Variants in CYP4Z1 observed in about 807,000 individuals in gnomAD.
CYP4Z1 encodes the protein cytochrome P450 family 4 subfamily Z member 1.
A neutral mutation model predicts 54.2 loss-of-function variants in CYP4Z1; 41 were observed. The observed-to-expected ratio is 0.76, with a 90% CI of 0.59 to 0.98. The LOEUF (loss-of-function observed/expected upper bound fraction) is 0.98, where lower values mean the gene tolerates loss of function less well. CYP4Z1 is among the 50% of genes least tolerant of loss of function. CYP4Z1 has a pLI of 0.00. For synonymous variants in CYP4Z1, 163 were observed against 206.2 expected (o/e 0.79, Z 1.79); for missense variants, 513 against 599.0 (o/e 0.86, Z 1.50).
the CYP4Z1 span, among the ~76,000 whole-genome samples, chr1:47,059,692 C>G: frequency 6.6e-6 from 1 of 152,162 alleles, no homozygotes. Context: ...CTTTCTCATA[C>G]TGTGTATGAG....
chr1:47,087,624 A>G (rs1644606166), intron 6 of CYP4Z1, among the ~76,000 whole-genome samples: 2 of 152,200 alleles, frequency 1.3e-5, no homozygotes, highest in African/African-American at 2.4e-5. Context: ...TAAATATACA[A>G]TAACGTCATC....
intron 9 of CYP4Z1, among the ~76,000 whole-genome samples, chr1:47,110,027 G>T (rs554214270): frequency 1.3e-5 from 2 of 151,176 alleles, no homozygotes; most frequent in African/African-American, 4.9e-5. Context: ...ATGTAATTTT[G>T]TTAGATAATG....
intron 9 of CYP4Z1, among the ~76,000 whole-genome samples, chr1:47,112,034 C>T (rs2742082): frequency 1.0e-3 from 155 of 151,944 alleles, no homozygotes; most frequent in South Asian, 2.7e-3. Flanking sequence ...TAAACATTGA[C>T]GTCGAAAACA....
chr1:47,078,798 C>T (rs555141340), intron 2 of CYP4Z1, among the ~76,000 whole-genome samples: 1 of 136,194 alleles, frequency 7.3e-6, no homozygotes, highest in Admixed American at 7.6e-5. Flanking sequence ...TCTTCTTGCA[C>T]TTTGTGTAAG....
chr1:47,069,659 C>T (rs938496667), intron 2 of CYP4Z1, among the ~76,000 whole-genome samples: 1 of 151,908 alleles, frequency 6.6e-6, no homozygotes, highest in African/African-American at 2.4e-5. Context: ...TCTACAAATT[C>T]TCTCTTCAGT....
chr1:47,101,242 T>C (rs1644719448), intron 8 of CYP4Z1, among the ~76,000 whole-genome samples: 1 of 152,178 alleles, frequency 6.6e-6, no homozygotes, highest in Non-Finnish European at 1.5e-5. Flanking sequence ...TAACCTCTGT[T>C]TCATTTAGTT....
intron 2 of CYP4Z1, among the ~76,000 whole-genome samples, chr1:47,076,414 AT>A (rs1644521018): frequency 1.3e-5 from 2 of 150,650 alleles, no homozygotes; most frequent in South Asian, 4.2e-4. Context: ...TAATGAAGAC[AT>A]TTAAGCTATA....
At chr1:47,077,680 G>A (rs1403547035) in intron 2 of CYP4Z1, among the ~76,000 whole-genome samples, 2 of 151,556 alleles carry the variant, frequency 1.3e-5, no homozygotes, top group Non-Finnish European at 2.9e-5. Context: ...GGGTGCAGTG[G>A]TGTCATCATA....
intron 11 of CYP4Z1, among the ~76,000 whole-genome samples, chr1:47,117,146 T>C (rs1308579588): frequency 6.6e-6 from 1 of 152,164 alleles, no homozygotes; most frequent in Non-Finnish European, 1.5e-5. Flanking sequence ...AGACACCCGA[T>C]TTACCAAATG....
At chr1:47,064,624 C>G (rs946577411), upstream of CYP4Z1, among the ~76,000 whole-genome samples, 3 of 151,824 alleles carry the variant, frequency 2.0e-5, no homozygotes, top group African/African-American at 7.3e-5. Flanking sequence ...ATCTACATAA[C>G]AAAAACTCAA....
chr1:47,116,119 G>T (rs1393471384), intron 10 of CYP4Z1, among the ~76,000 whole-genome samples: 1 of 151,998 alleles, frequency 6.6e-6, no homozygotes, highest in African/African-American at 2.4e-5. Context: ...CCAGCGCTCA[G>T]ACCAACCCCA....
intron 6 of CYP4Z1, among the ~76,000 whole-genome samples, chr1:47,091,574 G>A (rs1050277036): frequency 1.3e-5 from 2 of 149,568 alleles, no homozygotes; most frequent in East Asian, 2.1e-4. Flanking sequence ...TATTAGCTCC[G>A]TCAATTAAGT....
intron 8 of CYP4Z1, among the ~76,000 whole-genome samples, chr1:47,101,901 T>C (rs1644724818): frequency 6.6e-6 from 1 of 152,162 alleles, no homozygotes; most frequent in South Asian, 2.1e-4. Context: ...AGTGTATCTC[T>C]TTAGATCTAA....
chr1:47,064,716 G>A (rs1170124713), upstream of CYP4Z1, among the ~76,000 whole-genome samples: 1 of 152,114 alleles, frequency 6.6e-6, no homozygotes, highest in Non-Finnish European at 1.5e-5. Flanking sequence ...AATATTGAGT[G>A]TAAATGGCCC....
chr1:47,115,585 G>A lies in CYP4Z1; in HGVS notation c.1258G>A (p.Asp420Asn), dbSNP rs201881781. Residue 420 changes from aspartate to asparagine, a missense_variant, in exon 10 of 12, where the codon GAC becomes AAC. Coordinates refer to ENST00000334194, the MANE Select transcript of CYP4Z1 (RefSeq NM_178134.3). ...ALHHNPYFWE[D>N]PQVFNPLRFS... Reference sequence around the variant, plus strand: ...TCACCACAACCCCTATTTCTGGGAAGACCCTCAGGTATGATTGTCCCAACT... The same window carrying A: ...TCACCACAACCCCTATTTCTGGGAAAACCCTCAGGTATGATTGTCCCAACT... 1.5e-5 allele frequency: 25 copies of A among 1,613,414 alleles called. No homozygotes were observed. The highest frequency in any genetic ancestry group is 3.3e-4 in the Middle Eastern group (2 of 6,048).
intron 6 of CYP4Z1, among the ~76,000 whole-genome samples, chr1:47,092,234 C>T (rs1644643800): frequency 6.6e-6 from 1 of 151,944 alleles, no homozygotes; most frequent in Non-Finnish European, 1.5e-5. Context: ...ACTTGGGGAT[C>T]CTGGACTTTG....
At chr1:47,076,982 A>G (rs1212171684) in intron 2 of CYP4Z1, among the ~76,000 whole-genome samples, 1 of 151,498 alleles carries the variant, frequency 6.6e-6, no homozygotes, top group Non-Finnish European at 1.5e-5. Context: ...AAATTTATTG[A>G]GACTTTTTTT....
intron 7 of CYP4Z1, among the ~76,000 whole-genome samples, chr1:47,098,750 T>C (rs772146505): frequency 1.3e-4 from 20 of 152,208 alleles, no homozygotes; most frequent in African/African-American, 3.4e-4. Flanking sequence ...TTTTGGCCAC[T>C]TGCGGTCTTT....
Position 47,115,406 on chromosome 1 carries a change from C to T in CYP4Z1, c.1202-123C>T, listed in dbSNP as rs1184469766. Reference sequence around the variant, plus strand: ...GCACATGTATACATATGTAACAAACCTTCATGTTGTGCATATGTACCCTAA... The same window carrying T: ...GCACATGTATACATATGTAACAAACTTTCATGTTGTGCATATGTACCCTAA... On this transcript the variant is annotated intron_variant, in intron 9 of 11. Coordinates refer to ENST00000334194, the MANE Select transcript of CYP4Z1 (RefSeq NM_178134.3). The T allele has an allele frequency of 4.8e-5, 39 of 819,662 alleles. No homozygotes were observed. In the East Asian group the frequency reaches 8.9e-4, roughly 19 times the overall value. 50.8% of individuals were successfully genotyped at this position (819,662 alleles called of 1,614,324 possible).
Sources: gnomAD v4.1 joint callset for allele counts (sites outside exome capture counted in the v4.1 genomes callset) on GRCh38, gnomAD v4.1.1 for gene constraint, MANE v1.5 for transcripts, NCBI Gene and HGNC (gene_info 2026-07-23, HGNC 2026-07-21) for gene names.